ASZ1: variants seen among roughly 807,000 people sequenced by gnomAD.
ASZ1 encodes the protein ankyrin repeat, SAM and basic leucine zipper domain containing 1.
ASZ1 carries 67 observed loss-of-function variants against 61.8 expected under a neutral mutation model. The ratio of observed to expected loss-of-function variants is 1.08; its 90% confidence interval spans 0.89 to 1.33. The LOEUF is 1.33. Ranked by LOEUF, ASZ1 falls within the 40% of genes most tolerant of loss-of-function variation. The pLI, the probability that ASZ1 is intolerant of heterozygous loss-of-function variation, is 0.00. For synonymous variants in ASZ1, 193 were observed against 192.7 expected, an observed-to-expected ratio of 1.00 and a Z score of -0.01; for missense variants, 577 against 554.5, an observed-to-expected ratio of 1.04 and a Z score of -0.41.
At chr7:117,416,570 A>G (rs1289817249) in intron 4 of ASZ1, among the ~76,000 whole-genome samples, 1 of 152,218 alleles carries the variant, frequency 6.6e-6, no homozygotes, top group Admixed American at 6.5e-5. Context: ...GAAAAAATTT[A>G]TAGTGGTAGA....
At chr7:117,406,715 T>A (rs1359284597) in intron 4 of ASZ1, among the ~76,000 whole-genome samples, 1 of 151,066 alleles carries the variant, frequency 6.6e-6, no homozygotes, top group African/African-American at 2.4e-5. Flanking sequence ...ATTGCGCCAC[T>A]GCACTCCAGC....
intron 4 of ASZ1, among the ~76,000 whole-genome samples, chr7:117,398,957 A>C (rs1181857077): frequency 6.6e-6 from 1 of 152,204 alleles, no homozygotes; most frequent in East Asian, 1.9e-4. Flanking sequence ...GGCTGGGCGC[A>C]GTGGCTCAAA....
At chr7:117,379,168 T>TATATATACACACACACACAC (rs1161457624) in intron 10 of ASZ1, among the ~76,000 whole-genome samples, 1 of 69,722 alleles carries the variant, frequency 1.4e-5, no homozygotes, top group Admixed American at 1.7e-4. Flanking sequence ...TATATATATA[T>TATATATACACACACACACAC]ACACACACAC....
intron 4 of ASZ1, among the ~76,000 whole-genome samples, chr7:117,404,423 T>G (rs1170620663): frequency 7.0e-6 from 1 of 143,510 alleles, no homozygotes; most frequent in Non-Finnish European, 1.5e-5. Flanking sequence ...TTTCCTTTTT[T>G]TTTTTTTTGA....
At chr7:117,396,386 G>C (rs1796575416) in intron 4 of ASZ1, among the ~76,000 whole-genome samples, 1 of 152,144 alleles carries the variant, frequency 6.6e-6, no homozygotes, top group South Asian at 2.1e-4. Flanking sequence ...AATGCTGCTA[G>C]CTTCTCCATT....
At chr7:117,375,579 C>T (rs771635585) in intron 10 of ASZ1, among the ~76,000 whole-genome samples, 4 of 152,058 alleles carry the variant, frequency 2.6e-5, no homozygotes, top group Non-Finnish European at 4.4e-5. Flanking sequence ...ATGTCTCCAT[C>T]TAGCCACCAG....
At chr7:117,388,860 A>G (rs1448725400) in intron 4 of ASZ1, among the ~76,000 whole-genome samples, 1 of 152,218 alleles carries the variant, frequency 6.6e-6, no homozygotes, top group Non-Finnish European at 1.5e-5. Flanking sequence ...TTATTCACAG[A>G]CAGCATGATG....
intron 4 of ASZ1, among the ~76,000 whole-genome samples, chr7:117,387,306 CTCA>C (rs1562850826): frequency 3.2e-5 from 4 of 126,064 alleles, no homozygotes; most frequent in Non-Finnish European, 1.6e-5. Flanking sequence ...GAGACCCTGT[CTCA>C]ACAACAACAA....
intron 4 of ASZ1, among the ~76,000 whole-genome samples, chr7:117,392,265 A>G (rs1338314460): frequency 2.0e-5 from 3 of 152,158 alleles, no homozygotes; most frequent in Admixed American, 2.0e-4. Context: ...TTTGTCATTT[A>G]TAATTTCTTT....
chr7:117,385,912 C>A, intron 4 of ASZ1, 103 bp from the exon 5 acceptor site: 2 of 889,080 alleles, frequency 2.2e-6, no homozygotes, highest in East Asian at 2.7e-5. Flanking sequence ...GCTTTGAAAA[C>A]GAAAAGAAAT....
chr7:117,382,344 T>C (rs1796271114), intron 7 of ASZ1, among the ~76,000 whole-genome samples, 200 bp from the exon 8 acceptor site: 1 of 152,174 alleles, frequency 6.6e-6, no homozygotes, highest in Non-Finnish European at 1.5e-5. Context: ...ATAACTCATC[T>C]TTCCCCAAAT....
chr7:117,374,504 C>T (rs1428867746), intron 10 of ASZ1, among the ~76,000 whole-genome samples: 1 of 151,912 alleles, frequency 6.6e-6, no homozygotes, highest in Non-Finnish European at 1.5e-5. Context: ...CAAAAGCATA[C>T]ATGTAAAAAC....
intron 5 of ASZ1, among the ~76,000 whole-genome samples, chr7:117,385,236 G>C (rs929449658): frequency 6.6e-6 from 1 of 151,834 alleles, no homozygotes; most frequent in Non-Finnish European, 1.5e-5. Context: ...ACGAGAGTCA[G>C]TTAATTCCTC....
intron 7 of ASZ1, among the ~76,000 whole-genome samples, chr7:117,382,580 G>T (rs1197614403): frequency 6.6e-6 from 1 of 152,064 alleles, no homozygotes; most frequent in East Asian, 1.9e-4. Flanking sequence ...TTTAAATGGG[G>T]TAAGGAGAGA....
chr7:117,368,523 T>A (rs1584715609), intron 11 of ASZ1, 89 bp downstream of exon 11: 2 of 1,516,568 alleles, frequency 1.3e-6, no homozygotes, highest in East Asian at 4.7e-5. Flanking sequence ...TTTCAGCAAA[T>A]CAATACTATT....
intron 10 of ASZ1, among the ~76,000 whole-genome samples, chr7:117,378,052 T>C (rs1796170322): frequency 6.6e-6 from 1 of 152,062 alleles, no homozygotes; most frequent in Admixed American, 6.6e-5. Flanking sequence ...AAATGTATCA[T>C]GGACTTAAAT....
chr7:117,385,847 C>T (rs971344794), intron 4 of ASZ1, 38 bp from the exon 5 acceptor site: 4 of 1,460,672 alleles, frequency 2.7e-6, no homozygotes, highest in African/African-American at 2.8e-5. Flanking sequence ...TGTGTTAATG[C>T]TGCCATTAAT....
Position 117,381,054 on chromosome 7 carries a change from G to A in ASZ1, c.902C>T (p.Thr301Met), listed in dbSNP as rs374642066. 155 of 1,595,148 alleles carry A rather than the reference G, an allele frequency of 9.7e-5. No individual in the cohort carries two copies. The highest frequency in any genetic ancestry group is 7.2e-4 in the Admixed American group (41 of 56,862). Residue 301 changes from threonine (T) to methionine (M), a missense_variant, in exon 9 of 13, where the codon ACG becomes ATG. Transcript: ENST00000284629. Reference protein sequence around the residue: ...MTDLLKERDITLRHLLTMRED... With the variant: ...MTDLLKERDIMLRHLLTMRED... ...CCTCATGGTCAAAAGATGTCTTAAC[G>A]TTATATCCCTTTCCTGTATAAAAGG...
chr7:117,427,444 A>AGC lies in ASZ1; in HGVS notation c.15_16dup (p.Leu6ArgfsTer33). On this transcript the variant is annotated frameshift_variant, in exon 1 of 13. Coordinates refer to ENST00000284629, the MANE Select transcript of ASZ1 (RefSeq NM_130768.3). LOFTEE classifies it high-confidence loss of function. The stretch of plus-strand genomic sequence containing the variant: ...TCCGCCAGCCACTGGCAGGCCTCGC[A>AGC]GCGCGCTCGCCGCCATGCCAGCCAA... 4 of 1,613,822 alleles carry AGC rather than the reference A, an allele frequency of 2.5e-6. No individual in the cohort carries two copies. Among genetic ancestry groups the AGC allele is most frequent in the Non-Finnish European group, 3.4e-6 (4 of 1,179,906 alleles).
Sources: gnomAD v4.1 joint callset for allele counts (sites outside exome capture counted in the v4.1 genomes callset) on GRCh38, gnomAD v4.1.1 for gene constraint, MANE v1.5 for transcripts, NCBI Gene and HGNC (gene_info 2026-07-23, HGNC 2026-07-21) for gene names.